Variants in FBXL5 observed in about 807,000 individuals in gnomAD.
FBXL5 encodes F-box/LRR-repeat protein 5.
FBXL5 carries 26 observed loss-of-function variants against 78.3 expected under a neutral mutation model. The ratio of observed to expected loss-of-function variants is 0.33; its 90% CI spans 0.24 to 0.46. FBXL5 has a LOEUF of 0.46. FBXL5 is among the 20% of genes least tolerant of loss of function. The probability of loss-of-function intolerance (pLI) is 1.00; values close to 1 mark genes in which losing one functional copy is unlikely to be tolerated. For missense variants in FBXL5, 710 were observed against 829.2 expected (o/e 0.86, Z 1.77); for synonymous variants, 295 against 282.5 (o/e 1.04, Z -0.45).
intron 5 of FBXL5, among the ~76,000 whole-genome samples, chr4:15,633,376 C>A (rs1161913343): frequency 1.3e-5 from 2 of 152,198 alleles, no homozygotes; most frequent in Non-Finnish European, 2.9e-5. Flanking sequence ...TCATTTCACA[C>A]TGGTTCCCAC....
At position 15,628,018 on chromosome 4, in the gene FBXL5, T is replaced by G. The variant is rs778529882; in HGVS notation, c.908A>C (p.Glu303Ala). The G allele has an allele frequency of 6.2e-7, 1 of 1,613,602 alleles. No individual in the cohort carries two copies. Among genetic ancestry groups the G allele is most frequent in the Admixed American group, 1.7e-5 (1 of 59,962 alleles). The change falls in exon 7 of 11, where the codon GAA becomes GCA. Residue 303 changes from glutamate to alanine, a missense_variant. Around this residue, in one of 4 missense-constraint regions of FBXL5, gnomAD observed 517 missense variants for 542.9 expected, o/e 0.95. Transcript: ENST00000341285. ...TTGTGCAATGCTGATAGCAATTGATTCCTCCGCAGACTCTTCTGTAAAATG... is the reference window on the plus strand; with the variant it reads ...TTGTGCAATGCTGATAGCAATTGATGCCTCCGCAGACTCTTCTGTAAAATG... The part of the protein sequence containing the change: ...DIDESEESAE[E>A]SIAISIAQME...
chr4:15,628,852 T>C (rs1429059232), intron 6 of FBXL5, among the ~76,000 whole-genome samples: 2 of 152,004 alleles, frequency 1.3e-5, no homozygotes, highest in Non-Finnish European at 2.9e-5. Flanking sequence ...AGCCCTACTA[T>C]AATTTTATTC....
At position 15,619,456 on chromosome 4, in the gene FBXL5, AC is replaced by A. The variant is rs377279132; in HGVS notation, c.1850+5795del. Reference sequence around the variant, plus strand: ...ATCATCTCAACTGATTGAGAAAAAAACGTGACAAAACCCAATATTCTTTAAA... The same window carrying A: ...ATCATCTCAACTGATTGAGAAAAAAAGTGACAAAACCCAATATTCTTTAAA... On this transcript the variant is annotated intron_variant, in intron 9 of 10. Transcript: ENST00000341285. 2.8e-4 allele frequency among the ~76,000 whole-genome samples: 42 copies of A among 152,324 alleles called. No homozygotes were observed. The East Asian group carries it at 6.7e-3, about 24-fold the overall frequency.
chr4:15,655,309 C>G lies in FBXL5; in HGVS notation c.-22G>C. 1 of 1,379,954 alleles carries G rather than the reference C, an allele frequency of 7.2e-7. No individual in the cohort carries two copies. The highest frequency in any genetic ancestry group is 1.5e-5 in the African/African-American group (1 of 66,790). The allele number at this position is 1,379,954 out of a possible 1,614,324, so 85.5% of individuals were successfully genotyped here. On this transcript the variant is annotated 5_prime_UTR_variant, in exon 1 of 11. Transcript: ENST00000341285. ...CCATCGCCACTGCCTCAGCCTCCGC[C>G]TCAGCAGCCGCGGCCGCCGCCTCTC...
intron 6 of FBXL5, among the ~76,000 whole-genome samples, chr4:15,628,275 C>T (rs78329910): frequency 0.016 from 2,469 of 152,126 alleles, 69 homozygotes; most frequent in African/African-American, 0.056. Context: ...CATAGTAAAA[C>T]GTACTATCAC....
intron 10 of FBXL5, among the ~76,000 whole-genome samples, chr4:15,610,671 CAAGT>C (rs1722190962): frequency 2.0e-5 from 3 of 152,042 alleles, no homozygotes; most frequent in African/African-American, 7.2e-5. Context: ...AAACATAAAA[CAAGT>C]AAGCATAAAA....
At chr4:15,626,420 TG>T (rs1267556076) in intron 8 of FBXL5, among the ~76,000 whole-genome samples, 1 of 152,100 alleles carries the variant, frequency 6.6e-6, no homozygotes, top group African/African-American at 2.4e-5. Flanking sequence ...TATAAATAGT[TG>T]GGTGGGAAAG....
chr4:15,636,236 AT>A (rs1364697857), intron 5 of FBXL5: 2 of 329,526 alleles, frequency 6.1e-6, no homozygotes, highest in East Asian at 9.8e-5. Flanking sequence ...ATAATTATCA[AT>A]TTTGTCAATC....
intron 1 of FBXL5, among the ~76,000 whole-genome samples, chr4:15,647,431 T>C (rs375212341): frequency 2.6e-5 from 4 of 152,238 alleles, no homozygotes; most frequent in African/African-American, 9.6e-5. Context: ...TGAGCATCTA[T>C]GGAGTTTGGT....
At chr4:15,661,632 CTTTT>C (rs975139845), upstream of FBXL5, among the ~76,000 whole-genome samples, 4 of 151,980 alleles carry the variant, frequency 2.6e-5, no homozygotes, top group African/African-American at 9.7e-5. Context: ...AAGATGGGGT[CTTTT>C]TTTTCTCTTT....
At chr4:15,631,383 C>T (rs1452770800) in intron 5 of FBXL5, among the ~76,000 whole-genome samples, 8 of 152,102 alleles carry the variant, frequency 5.3e-5, no homozygotes, top group African/African-American at 1.4e-4. Flanking sequence ...AACGTATGTG[C>T]GCATGTGTCT....
chr4:15,619,591 A>AG (rs11428431), intron 9 of FBXL5, among the ~76,000 whole-genome samples: 114,922 of 152,094 alleles, frequency 0.76, 43,681 homozygotes, highest in East Asian at 0.91. Context: ...CCTTAAGATT[A>AG]GAACAAGGTA....
At chr4:15,609,089 TATG>T (rs1222076225) in intron 10 of FBXL5, among the ~76,000 whole-genome samples, 1 of 152,120 alleles carries the variant, frequency 6.6e-6, no homozygotes, top group Non-Finnish European at 1.5e-5. Flanking sequence ...ATGACTAAGA[TATG>T]ATGGATTGCC....
chr4:15,635,424 A>G (rs575329322), intron 5 of FBXL5, among the ~76,000 whole-genome samples: 2 of 152,164 alleles, frequency 1.3e-5, no homozygotes, highest in East Asian at 3.9e-4. Context: ...TCATAAACAG[A>G]AAACAATTTT....
chr4:15,678,679 T>C (rs1335997045), intron 1 of FBXL5, among the ~76,000 whole-genome samples: 3 of 152,240 alleles, frequency 2.0e-5, no homozygotes, highest in Non-Finnish European at 4.4e-5. Flanking sequence ...TAAAATTGGT[T>C]TCTTATAATT....
Position 15,625,752 on chromosome 4 carries a change from T to C in FBXL5, c.1350A>G (p.Leu450=), listed in dbSNP as rs551818950. 26 of 1,614,182 alleles carry C rather than the reference T, an allele frequency of 1.6e-5. No individual in the cohort carries two copies. The highest frequency in any genetic ancestry group is 1.2e-4 in the African/African-American group (9 of 75,058). The part of the protein sequence containing the change: ...STKQYACLHD[L]TNKGIGEEID... ...TTTCTTCTCCAATGCCCTTGTTAGT[T>C]AAATCGTGCAAACAGGCATACTGCT... Residue 450 remains leucine, a synonymous_variant, in exon 9 of 11, where the codon TTA becomes TTG. Coordinates refer to ENST00000341285, the MANE Select transcript of FBXL5 (RefSeq NM_012161.4).
At chr4:15,628,755 TCC>T in intron 6 of FBXL5, among the ~76,000 whole-genome samples, 1 of 140,160 alleles carries the variant, frequency 7.1e-6, no homozygotes, top group East Asian at 2.0e-4. Flanking sequence ...CCTAAATTCC[TCC>T]TTTAGCCAGA....
In FBXL5 at chr4:15,627,961, T is replaced by C; in HGVS notation, c.965A>G (p.His322Arg). ...AGTACCAACATATGGTAGAACGTTA[T>C]GAATTAAGCCATGGAGTAAACGTTT... ...MEKRLLHGLIHNVLPYVGTSV... is the reference protein window; with the variant it reads ...MEKRLLHGLIRNVLPYVGTSV... The change falls in exon 7 of 11, where the codon CAT becomes CGT. Residue 322 changes from histidine to arginine, a missense_variant. Physicochemically the swap from His to Arg is conservative, Grantham distance 29 (BLOSUM62 0). Around this residue, in one of 4 missense-constraint regions of FBXL5, gnomAD observed 517 missense variants for 542.9 expected, o/e 0.95. Coordinates refer to ENST00000341285, the MANE Select transcript of FBXL5 (RefSeq NM_012161.4). 6.2e-7 allele frequency: 1 copy of C among 1,613,832 alleles called. No homozygotes were observed. Among genetic ancestry groups the C allele is most frequent in the South Asian group, 1.1e-5 (1 of 91,078 alleles).
intron 5 of FBXL5, 124 bp downstream of exon 5, chr4:15,636,370 C>T: frequency 1.4e-6 from 1 of 737,302 alleles, no homozygotes. Context: ...AAAACATCAT[C>T]TAACTATAAA....
Sources: allele counts gnomAD v4.1 joint callset (sites outside exome capture counted in the v4.1 genomes callset), GRCh38; gene constraint gnomAD v4.1.1; regional missense constraint gnomAD v4.1.1; transcripts MANE v1.5; gene names NCBI Gene and HGNC (gene_info 2026-07-23, HGNC 2026-07-21).